NAV3: variants seen among roughly 807,000 people sequenced by gnomAD.
NAV3 encodes pore membrane and/or filament interacting like protein 1.
In NAV3, 87 loss-of-function variants were observed where a neutral mutation model predicts 244.7. The observed-to-expected ratio is 0.36, with a 90% CI of 0.30 to 0.42. NAV3 has a LOEUF of 0.42. Ranked by LOEUF, NAV3 falls within the 20% of genes least tolerant of loss-of-function variation. The pLI, the probability that NAV3 is intolerant of heterozygous loss-of-function variation, is 1.00. For synonymous variants in NAV3, 1,126 were observed against 1,042.2 expected (o/e 1.08, Z -1.55); for missense variants, 2,663 against 2,893.3 (o/e 0.92, Z 1.83).
intron 7 of NAV3, among the ~76,000 whole-genome samples, chr12:78,004,072 A>G (rs7960276): frequency 0.82 from 125,481 of 152,170 alleles, 51,892 homozygotes; most frequent in Admixed American, 0.87. Context: ...AAAATCTTCC[A>G]AATGTTTGAG....
intron 12 of NAV3, among the ~76,000 whole-genome samples, chr12:78,069,191 T>A (rs1322806105): frequency 2.0e-5 from 3 of 151,874 alleles, no homozygotes; most frequent in African/African-American, 4.8e-5. Flanking sequence ...TTAAAGTTAT[T>A]TGCAATAAGC....
In NAV3 at chr12:78,137,210, C is replaced by T. The variant is rs987729670; in HGVS notation, c.4475C>T (p.Pro1492Leu). The change falls in exon 19 of 40, where the codon CCC (proline) becomes CTC (leucine). Residue 1492 changes from proline to leucine, a missense_variant. Pro to Leu is a moderately conservative substitution (Grantham distance 98). Around this residue, in one of 6 missense-constraint regions of NAV3, gnomAD observed 354 missense variants for 413.0 expected, o/e 0.86. Transcript: ENST00000397909. ...ACAAATTTGTCTCAGTTTAACCTTCCCGGGCCCAGCATGATGCGCTCAAAC... is the reference window on the plus strand; with the variant it reads ...ACAAATTTGTCTCAGTTTAACCTTCTCGGGCCCAGCATGATGCGCTCAAAC... Reference protein sequence around the residue: ...SPTNLSQFNLPGPSMMRSNSI... With the variant: ...SPTNLSQFNLLGPSMMRSNSI... 3.1e-6 allele frequency: 5 copies of T among 1,612,602 alleles called. No homozygotes were observed. The highest frequency in any genetic ancestry group is 3.3e-5 in the Admixed American group (2 of 59,864).
At chr12:77,948,515 A>C (rs1407419429) in intron 3 of NAV3, among the ~76,000 whole-genome samples, 1 of 151,880 alleles carries the variant, frequency 6.6e-6, no homozygotes, top group African/African-American at 2.4e-5. Context: ...TTTTGTACTT[A>C]AAATGCTACA....
intron 2 of NAV3, among the ~76,000 whole-genome samples, chr12:77,660,620 G>A (rs887615018): frequency 2.0e-5 from 3 of 151,940 alleles, no homozygotes; most frequent in Non-Finnish European, 4.4e-5. Context: ...GCATATATAT[G>A]TATGTATATT....
At chr12:77,745,404 G>A (rs1027933560) in intron 2 of NAV3, among the ~76,000 whole-genome samples, 5 of 152,044 alleles carry the variant, frequency 3.3e-5, no homozygotes, top group African/African-American at 1.2e-4. Context: ...TGATAGGACA[G>A]ATTGCCTAGG....
At chr12:77,921,431 C>T (rs1403017863) in intron 1 of NAV3, among the ~76,000 whole-genome samples, 1 of 151,974 alleles carries the variant, frequency 6.6e-6, no homozygotes, top group East Asian at 1.9e-4. Flanking sequence ...AATCCTGAAA[C>T]CGAGAAGTAG....
chr12:77,996,071 A>G (rs968973051), intron 6 of NAV3, among the ~76,000 whole-genome samples: 2 of 152,316 alleles, frequency 1.3e-5, no homozygotes, highest in African/African-American at 4.8e-5. Flanking sequence ...ACTGAAGATC[A>G]TTTGACTTCA....
At chr12:77,926,282 TC>T (rs1171514101) in intron 1 of NAV3, among the ~76,000 whole-genome samples, 1 of 152,192 alleles carries the variant, frequency 6.6e-6, no homozygotes, top group East Asian at 1.9e-4. Context: ...TAGATATCTA[TC>T]TTTGTCACTA....
chr12:77,664,583 A>AT (rs1873630192), intron 2 of NAV3, among the ~76,000 whole-genome samples: 1 of 152,212 alleles, frequency 6.6e-6, no homozygotes, highest in South Asian at 2.1e-4. Context: ...GTCACAGATG[A>AT]TAAGGTTTAC....
At chr12:78,179,465 G>C in intron 28 of NAV3, 64 bp from the exon 29 acceptor site, 1 of 1,593,264 alleles carries the variant, frequency 6.3e-7, no homozygotes, top group Non-Finnish European at 8.6e-7. Flanking sequence ...CTTTAAAAGA[G>C]GCAGTGCTTT....
intron 1 of NAV3, among the ~76,000 whole-genome samples, chr12:77,855,284 A>T (rs1436648820): frequency 6.6e-6 from 1 of 152,298 alleles, no homozygotes; most frequent in African/African-American, 2.4e-5. Context: ...AAATTTCAAT[A>T]TATTTTTGCC....
At chr12:77,736,550 T>G (rs1877342105) in intron 2 of NAV3, among the ~76,000 whole-genome samples, 2 of 152,172 alleles carry the variant, frequency 1.3e-5, no homozygotes, top group Admixed American at 1.3e-4. Context: ...AGCCTCTTCT[T>G]TCCATGTGGC....
In NAV3 at chr12:78,119,627, C is replaced by G. The variant is rs2138622436; in HGVS notation, c.3431C>G (p.Ser1144Cys). 6.2e-7 allele frequency: 1 copy of G among 1,614,172 alleles called. No individual in the cohort carries two copies. The highest frequency in any genetic ancestry group is 8.5e-7 in the Non-Finnish European group (1 of 1,180,020). ...QYRSLPRPSK[S>C]STSGIPGRGG... ...CGCAGCTTGCCCCGCCCTTCAAAAT[C>G]CAGCACCAGTGGCATTCCTGGCCGA... is the stretch of plus-strand genomic sequence containing the variant. The change falls in exon 15 of 40, where the codon TCC becomes TGC. Residue 1144 changes from serine to cysteine, a missense_variant. Transcript: ENST00000397909.
At chr12:78,198,997 A>G (rs959336472) in intron 36 of NAV3, 3 of 482,148 alleles carry the variant, frequency 6.2e-6, no homozygotes, top group African/African-American at 5.9e-5. Flanking sequence ...GTTAAAGTAG[A>G]GCATATTCCT....
At chr12:77,878,668 TA>T (rs533999299) in intron 1 of NAV3, among the ~76,000 whole-genome samples, 3,062 of 137,750 alleles carry the variant, frequency 0.022, 39 homozygotes, top group Non-Finnish European at 0.032. Context: ...CTTAAACTTC[TA>T]AAAAAAAAAA....
intron 19 of NAV3, among the ~76,000 whole-genome samples, chr12:78,139,717 T>C (rs1726007): frequency 0.34 from 50,865 of 151,672 alleles, 8,797 homozygotes; most frequent in East Asian, 0.48. Flanking sequence ...CTCTGAGACA[T>C]CACCTTGAAA....
At chr12:77,828,210 C>T (rs142694963), upstream of NAV3, among the ~76,000 whole-genome samples, 27 of 152,206 alleles carry the variant, frequency 1.8e-4, no homozygotes, top group East Asian at 7.7e-4. Flanking sequence ...GTTATAAAAG[C>T]GAGCTTGGCC....
intron 1 of NAV3, among the ~76,000 whole-genome samples, chr12:77,870,712 G>C (rs529142328): frequency 2.0e-5 from 3 of 152,116 alleles, no homozygotes; most frequent in Non-Finnish European, 4.4e-5. Flanking sequence ...TTGGGAAGAG[G>C]AAGAAAGACA....
chr12:77,721,695 T>C (rs1031280882), intron 2 of NAV3, among the ~76,000 whole-genome samples: 1 of 152,166 alleles, frequency 6.6e-6, no homozygotes, highest in African/African-American at 2.4e-5. Context: ...AGGTCTGTAA[T>C]GCTGAGAGTC....
Sources: allele counts gnomAD v4.1 joint callset (sites outside exome capture counted in the v4.1 genomes callset), GRCh38; gene constraint gnomAD v4.1.1; regional missense constraint gnomAD v4.1.1; transcripts MANE v1.5; gene names NCBI Gene and HGNC (gene_info 2026-07-23, HGNC 2026-07-21).